The following PABPC4L variants were observed in gnomAD, a reference collection of about 807,000 sequenced individuals.
PABPC4L encodes the protein poly(A) binding protein cytoplasmic 4 like.
For missense variants in PABPC4L, 452 were observed against 451.4 expected (o/e 1.00, Z -0.01); for synonymous variants, 169 against 164.1 (o/e 1.03, Z -0.23).
chr4:134,152,030 T>G, the PABPC4L span, among the ~76,000 whole-genome samples: 1 of 151,964 alleles, frequency 6.6e-6, no homozygotes, highest in East Asian at 1.9e-4. Context: ...TCAAGTTTTT[T>G]GCCCAATTTT....
At chr4:134,061,856 GGAAA>G in the PABPC4L span, among the ~76,000 whole-genome samples, 14 of 149,342 alleles carry the variant, frequency 9.4e-5, no homozygotes, top group East Asian at 5.9e-4. Context: ...GAAGAAAGAA[GGAAA>G]GAAAGAAAGA....
chr4:133,950,320 T>C, the PABPC4L span, among the ~76,000 whole-genome samples: 2 of 152,188 alleles, frequency 1.3e-5, no homozygotes, highest in African/African-American at 4.8e-5. Flanking sequence ...GTCTCCCTTT[T>C]ATTGGCATTT....
chr4:134,116,043 A>G, the PABPC4L span, among the ~76,000 whole-genome samples: 2 of 151,872 alleles, frequency 1.3e-5, no homozygotes, highest in Non-Finnish European at 2.9e-5. Context: ...TAAATGTATA[A>G]TTGCAGCATA....
At chr4:133,976,574 C>T in the PABPC4L span, among the ~76,000 whole-genome samples, 1 of 152,148 alleles carries the variant, frequency 6.6e-6, no homozygotes, top group Non-Finnish European at 1.5e-5. Flanking sequence ...TACATTCCCA[C>T]CAACAGTGTA....
At chr4:134,042,279 T>G in the PABPC4L span, among the ~76,000 whole-genome samples, 1 of 151,968 alleles carries the variant, frequency 6.6e-6, no homozygotes, top group African/African-American at 2.4e-5. Flanking sequence ...ACAATGGACA[T>G]TGGAGACTAG....
the PABPC4L span, among the ~76,000 whole-genome samples, chr4:134,190,504 G>A: frequency 6.6e-6 from 1 of 151,524 alleles, no homozygotes; most frequent in Non-Finnish European, 1.5e-5. Context: ...CCAATTTCTG[G>A]AGATGAACAC....
At chr4:133,989,025 G>C in the PABPC4L span, among the ~76,000 whole-genome samples, 1 of 152,100 alleles carries the variant, frequency 6.6e-6, no homozygotes, top group South Asian at 2.1e-4. Flanking sequence ...ACCCATGGAT[G>C]GACCTGAAGC....
the PABPC4L span, among the ~76,000 whole-genome samples, chr4:133,981,404 C>T: frequency 6.6e-6 from 1 of 152,022 alleles, no homozygotes; most frequent in Non-Finnish European, 1.5e-5. Flanking sequence ...TTTCTGTCTT[C>T]TCTAACCTAT....
At position 134,196,517 on chromosome 4, in the gene PABPC4L, T is replaced by C. The variant is rs1040036881; in HGVS notation, c.*3390A>G. On this transcript the variant is annotated 3_prime_UTR_variant, in exon 2 of 2. Coordinates refer to ENST00000421491, the MANE Select transcript of PABPC4L (RefSeq NM_001114734.2). The stretch of plus-strand genomic sequence containing the variant: ...ACATTTATTGAAATGGCTGTACATG[T>C]AAGCAGGTAACTACACAGCAGACGT... 4 of 151,774 alleles carry C rather than the reference T, an allele frequency of 2.6e-5. No homozygotes were observed. The highest frequency in any genetic ancestry group is 4.4e-5 in the Non-Finnish European group (3 of 67,720). The allele number at this position is 151,774 out of a possible 1,614,324, so 9.4% of individuals were successfully genotyped here.
At chr4:134,099,088 C>T in the PABPC4L span, among the ~76,000 whole-genome samples, 3 of 151,612 alleles carry the variant, frequency 2.0e-5, no homozygotes, top group Admixed American at 6.6e-5. Flanking sequence ...TTGTGAGAAA[C>T]AGGAATCCAT....
the PABPC4L span, among the ~76,000 whole-genome samples, chr4:134,081,159 AT>A: frequency 1.3e-5 from 2 of 152,318 alleles, no homozygotes; most frequent in East Asian, 3.9e-4. Flanking sequence ...GTTACTATAC[AT>A]TTAATGGCTG....
chr4:134,127,809 G>T, the PABPC4L span, among the ~76,000 whole-genome samples: 1 of 151,986 alleles, frequency 6.6e-6, no homozygotes, highest in Non-Finnish European at 1.5e-5. Flanking sequence ...TGAAATCTCT[G>T]AATTGCCAGA....
the PABPC4L span, among the ~76,000 whole-genome samples, chr4:134,186,970 A>G: frequency 6.6e-6 from 1 of 152,196 alleles, no homozygotes; most frequent in African/African-American, 2.4e-5. Context: ...CATCAGAGAA[A>G]TGCAAATCAA....
chr4:134,038,627 T>A, the PABPC4L span, among the ~76,000 whole-genome samples: 5 of 151,912 alleles, frequency 3.3e-5, no homozygotes, highest in Non-Finnish European at 7.4e-5. Flanking sequence ...TTATAGTATT[T>A]TCTGATGGTA....
the PABPC4L span, among the ~76,000 whole-genome samples, chr4:134,082,458 T>C: frequency 6.6e-6 from 1 of 152,188 alleles, no homozygotes; most frequent in Non-Finnish European, 1.5e-5. Flanking sequence ...TTCTCTGTTC[T>C]AACAGTTGAA....
chr4:134,144,319 T>C, the PABPC4L span, among the ~76,000 whole-genome samples: 2 of 151,750 alleles, frequency 1.3e-5, no homozygotes, highest in Admixed American at 6.6e-5. Flanking sequence ...ATCTATTTTC[T>C]AGCACATGAA....
the PABPC4L span, among the ~76,000 whole-genome samples, chr4:134,023,222 C>T: frequency 6.6e-6 from 1 of 152,124 alleles, no homozygotes; most frequent in African/African-American, 2.4e-5. Context: ...GACACTGAGG[C>T]ATGAGGAATG....
the PABPC4L span, among the ~76,000 whole-genome samples, chr4:134,183,809 T>C: frequency 1.3e-5 from 2 of 151,908 alleles, no homozygotes; most frequent in South Asian, 2.1e-4. Context: ...GACCAATAAA[T>C]TGATATTTAT....
chr4:134,017,825 T>G, the PABPC4L span, among the ~76,000 whole-genome samples: 1 of 152,098 alleles, frequency 6.6e-6, no homozygotes, highest in Non-Finnish European at 1.5e-5. Context: ...TCTCCCACTC[T>G]AGGTTCCCAT....
Sources: allele counts gnomAD v4.1 joint callset (sites outside exome capture counted in the v4.1 genomes callset), GRCh38; gene constraint gnomAD v4.1.1; transcripts MANE v1.5; gene names NCBI Gene and HGNC (gene_info 2026-07-23, HGNC 2026-07-21).